The following FRMD4B variants were observed in gnomAD, a reference collection of about 807,000 sequenced individuals.
The protein encoded by FRMD4B is FERM domain containing 4B, also known as FERM domain-containing protein 4B.
In FRMD4B, 74 loss-of-function variants were observed where a neutral mutation model predicts 141.5. The ratio of observed to expected loss-of-function variants is 0.52; its 90% CI spans 0.43 to 0.63. The LOEUF (loss-of-function observed/expected upper bound fraction) is 0.63. Among genes scored for constraint, FRMD4B ranks in the 30% least tolerant of loss-of-function variants. The pLI is 0.00. For synonymous variants in FRMD4B, 506 were observed against 467.9 expected (o/e 1.08, Z -1.05); for missense variants, 1,366 against 1,253.4 (o/e 1.09, Z -1.36).
At chr3:69,332,699 C>A (rs1702407147) in intron 1 of FRMD4B, among the ~76,000 whole-genome samples, 1 of 150,942 alleles carries the variant, frequency 6.6e-6, no homozygotes, top group East Asian at 2.0e-4. Flanking sequence ...ACTTCAGCTT[C>A]CCGAGTAGCT....
chr3:69,364,847 ACCC>A (rs1703591267), intron 1 of FRMD4B, among the ~76,000 whole-genome samples: 1 of 150,984 alleles, frequency 6.6e-6, no homozygotes. Context: ...CTGTTCTCCT[ACCC>A]CAAGCTTTCT....
intron 7 of FRMD4B, among the ~76,000 whole-genome samples, chr3:69,242,642 G>A (rs2093394232): frequency 6.8e-6 from 1 of 147,534 alleles, no homozygotes; most frequent in African/African-American, 2.5e-5. Context: ...CTTACAAGTA[G>A]AAGCACCCTA....
chr3:69,432,183 T>C (rs892600215), intron 2 of FRMD4B, among the ~76,000 whole-genome samples: 1 of 152,244 alleles, frequency 6.6e-6, no homozygotes, highest in Non-Finnish European at 1.5e-5. Flanking sequence ...ATTGCACTTA[T>C]AAAAAGAATC....
rs1338736566 is a variant in FRMD4B at position 69,401,089 on chromosome 3, G to A, written c.-1+31545C>T. On this transcript the variant is annotated intron_variant, in intron 2 of 5. Coordinates refer to the FRMD4B transcript ENST00000459638. ...TAAAATAAATAATTTAAGATACACA[G>A]CATAGAAATATATAAAATGCAAACA... is the stretch of plus-strand genomic sequence containing the variant. Among the ~76,000 whole-genome samples the A allele has an allele frequency of 2.6e-5, 4 of 152,102 alleles. No homozygotes were observed. In the East Asian group the frequency reaches 7.7e-4, roughly 29 times the overall value.
chr3:69,442,853 G>A (rs1380772728), intron 1 of FRMD4B, among the ~76,000 whole-genome samples: 1 of 152,170 alleles, frequency 6.6e-6, no homozygotes, highest in East Asian at 1.9e-4. Flanking sequence ...GTGGCTTTGG[G>A]CCAGTTTCTT....
intron 1 of FRMD4B, among the ~76,000 whole-genome samples, chr3:69,515,483 T>A (rs1700741284): frequency 6.6e-6 from 1 of 152,328 alleles, no homozygotes; most frequent in Non-Finnish European, 1.5e-5. Context: ...TATTTGGTCT[T>A]TCATTTGTAT....
At chr3:69,228,962 G>C (rs1289534453) in intron 7 of FRMD4B, among the ~76,000 whole-genome samples, 1 of 151,014 alleles carries the variant, frequency 6.6e-6, no homozygotes, top group African/African-American at 2.4e-5. Flanking sequence ...AAGTAATTTA[G>C]GCAAATTACT....
At chr3:69,394,792 T>C (rs563236713) in intron 2 of FRMD4B, among the ~76,000 whole-genome samples, 17 of 152,248 alleles carry the variant, frequency 1.1e-4, no homozygotes, top group South Asian at 1.0e-3. Flanking sequence ...ATAGACTGGA[T>C]AAAGAAATTG....
intron 1 of FRMD4B, among the ~76,000 whole-genome samples, chr3:69,347,796 C>T (rs1380993311): frequency 6.6e-6 from 1 of 152,168 alleles, no homozygotes; most frequent in Non-Finnish European, 1.5e-5. Flanking sequence ...AGAACAAAGA[C>T]ACAACATACC....
intron 1 of FRMD4B, among the ~76,000 whole-genome samples, chr3:69,519,997 CATAT>C (rs71618288): frequency 0.014 from 1,213 of 88,328 alleles, 26 homozygotes; most frequent in South Asian, 0.023. Flanking sequence ...AGTAGTATTC[CATAT>C]ATATATATAT....
intron 1 of FRMD4B, among the ~76,000 whole-genome samples, chr3:69,379,973 G>A (rs371400043): frequency 1.1e-4 from 17 of 152,144 alleles, no homozygotes; most frequent in African/African-American, 3.9e-4. Context: ...ACTGTGGAGA[G>A]CGAAGGGTGA....
chr3:69,270,569 C>CTTTTTTTTTTTTTTTTTT (rs57693333), intron 5 of FRMD4B, among the ~76,000 whole-genome samples: 3 of 144,800 alleles, frequency 2.1e-5, no homozygotes, highest in Admixed American at 7.0e-5. Context: ...TTCTTTTTTT[C>CTTTTTTTTTTTTTTTTTT]TTTTTTTTTT....
In FRMD4B at chr3:69,189,963, A is replaced by C; in HGVS notation, c.1715-11T>G. ...AGGGGATTATGTCTTCTGTGAATAA[A>C]AATAACTGCCTTTAGTACAATTGTG... On this transcript the variant is annotated splice_polypyrimidine_tract_variant and intron_variant, in intron 17 of 22. Transcript: ENST00000398540. The C allele has an allele frequency of 6.5e-7, 1 of 1,539,738 alleles. No individual in the cohort carries two copies. Among genetic ancestry groups the C allele is most frequent in the Non-Finnish European group, 9.0e-7 (1 of 1,113,076 alleles).
intron 1 of FRMD4B, among the ~76,000 whole-genome samples, chr3:69,355,109 C>G (rs1444643807): frequency 6.6e-6 from 1 of 151,734 alleles, no homozygotes; most frequent in Non-Finnish European, 1.5e-5. Flanking sequence ...GCTCAAACAA[C>G]TTGGGCAGAA....
chr3:69,190,090 A>C, intron 17 of FRMD4B, 138 bp from the exon 18 acceptor site: 1 of 584,986 alleles, frequency 1.7e-6, no homozygotes, highest in South Asian at 2.3e-5. Flanking sequence ...ATAATTAACT[A>C]CCATAGTAAG....
At chr3:69,389,570 G>A (rs1704337780), upstream of FRMD4B, among the ~76,000 whole-genome samples, 1 of 152,216 alleles carries the variant, frequency 6.6e-6, no homozygotes, top group African/African-American at 2.4e-5. Flanking sequence ...GTGCAAGACA[G>A]AAGACATCTT....
At chr3:69,440,101 C>G (rs1232267250) in intron 1 of FRMD4B, among the ~76,000 whole-genome samples, 1 of 152,184 alleles carries the variant, frequency 6.6e-6, no homozygotes, top group Non-Finnish European at 1.5e-5. Flanking sequence ...TTCATCCAAA[C>G]TTGAGTGTGA....
chr3:69,415,480 T>C (rs1389851808), intron 2 of FRMD4B, among the ~76,000 whole-genome samples: 1 of 152,044 alleles, frequency 6.6e-6, no homozygotes, highest in African/African-American at 2.4e-5. Flanking sequence ...CTCTGCCCTC[T>C]AACACACTAC....
chr3:69,507,958 G>C (rs1220264172), intron 1 of FRMD4B, among the ~76,000 whole-genome samples: 1 of 152,194 alleles, frequency 6.6e-6, no homozygotes, highest in African/African-American at 2.4e-5. Context: ...AGGCCATATG[G>C]AACTTAAGGC....
Sources: gnomAD v4.1 joint callset for allele counts (sites outside exome capture counted in the v4.1 genomes callset) on GRCh38, gnomAD v4.1.1 for gene constraint, MANE v1.5 for transcripts, NCBI Gene and HGNC (gene_info 2026-07-23, HGNC 2026-07-21) for gene names.